Variants in TUSC3 observed in about 807,000 individuals in gnomAD.
TUSC3 encodes tumor suppressor candidate 3.
Under a neutral mutation model 44.8 loss-of-function variants are expected in TUSC3, and 45 were observed. That is an observed-to-expected ratio of 1.00 (90% CI 0.79 to 1.29). The LOEUF is 1.29. Ranked by LOEUF, TUSC3 falls within the 50% of genes most tolerant of loss-of-function variation. TUSC3 has a pLI of 0.00. For missense variants in TUSC3, 519 were observed against 437.9 expected (o/e 1.19, Z -1.65); for synonymous variants, 212 against 152.9 (o/e 1.39, Z -2.85).
rs78067952 is a variant in TUSC3, at chr8:15,463,966, A to C, written n.92-19420A>C. Among the ~76,000 whole-genome samples the C allele has an allele frequency of 1.3e-5, 2 of 152,290 alleles. 1 individual carries two copies. The highest frequency in any genetic ancestry group is 2.9e-5 in the Non-Finnish European group (2 of 68,010). The stretch of plus-strand genomic sequence containing the variant: ...TTCTTTAGCAGCATTCCTTGACTAC[A>C]GTTTTACAGATGAAGAAACTTTTGG... On this transcript the variant is annotated intron_variant and non_coding_transcript_variant, in intron 1 of 5. Transcript: ENST00000503191.
rs566741467 is a variant in TUSC3, at chr8:15,557,779, G to T, written c.138+17211G>T. On this transcript the variant is annotated intron_variant, in intron 1 of 10. Coordinates refer to ENST00000503731, the MANE Select transcript of TUSC3 (RefSeq NM_006765.4). ...CTCTTTGAAGCAGTTGTGAATGGGA[G>T]TTCACTCATGATTTGGCTCTCCGTT... 1.4e-4 allele frequency among the ~76,000 whole-genome samples: 20 copies of T among 138,206 alleles called. 2 individuals are homozygous for T. Among genetic ancestry groups the T allele is most frequent in the Middle Eastern group, 3.8e-3 (1 of 260 alleles). 90.7% of individuals were successfully genotyped at this position (138,206 alleles called of 152,430 possible).
At chr8:15,602,666 A>ATGTGTGTGTGTG (rs60206119) in intron 1 of TUSC3, among the ~76,000 whole-genome samples, 24 of 145,872 alleles carry the variant, frequency 1.6e-4, no homozygotes, top group African/African-American at 6.0e-4. Flanking sequence ...AAATATTTAT[A>ATGTGTGTGTGTG]TGTGTGTGTG....
chr8:15,738,747 T>C (rs1166168690), intron 7 of TUSC3, among the ~76,000 whole-genome samples: 1 of 152,026 alleles, frequency 6.6e-6, no homozygotes, highest in Admixed American at 6.6e-5. Flanking sequence ...TCAGGTTTTA[T>C]ATATACTTTT....
chr8:15,634,494 G>T (rs1324738230), intron 2 of TUSC3, among the ~76,000 whole-genome samples: 1 of 152,170 alleles, frequency 6.6e-6, no homozygotes, highest in South Asian at 2.1e-4. Context: ...TTGATATTTT[G>T]CATGAAAGCT....
chr8:15,652,258 T>A (rs62502092), intron 3 of TUSC3, among the ~76,000 whole-genome samples: 1 of 152,142 alleles, frequency 6.6e-6, no homozygotes, highest in Non-Finnish European at 1.5e-5. Context: ...AGCATGCAGT[T>A]CTGTAAAGAA....
At chr8:15,720,615 A>G (rs1810267218) in intron 6 of TUSC3, among the ~76,000 whole-genome samples, 1 of 152,146 alleles carries the variant, frequency 6.6e-6, no homozygotes, top group South Asian at 2.1e-4. Flanking sequence ...GCTCATCAGA[A>G]TGCAGTGGTC....
chr8:15,658,056 A>C (rs1350469910), intron 3 of TUSC3, among the ~76,000 whole-genome samples: 2 of 152,058 alleles, frequency 1.3e-5, no homozygotes, highest in Non-Finnish European at 2.9e-5. Context: ...CACCTCCTAA[A>C]GCTTCCACGT....
intron 9 of TUSC3, among the ~76,000 whole-genome samples, chr8:15,750,292 C>T (rs1056931832): frequency 2.0e-5 from 3 of 151,858 alleles, no homozygotes; most frequent in Admixed American, 2.0e-4. Context: ...ATTCTTAAGC[C>T]CTATTTAGTT....
Position 15,678,961 on chromosome 8 carries a change from A to G in TUSC3, c.798+5125A>G, listed in dbSNP as rs191863121. Among the ~76,000 whole-genome samples the G allele has an allele frequency of 5.9e-5, 9 of 152,296 alleles. No homozygotes were observed. In the East Asian group the frequency reaches 1.7e-3, roughly 29 times the overall value. On this transcript the variant is annotated intron_variant, in intron 6 of 10. Coordinates refer to ENST00000503731, the MANE Select transcript of TUSC3 (RefSeq NM_006765.4). ...ACATGATTTTATTGTGCTGCATAGT[A>G]TTCCTTGGTGTATATGTACCGTATT...
intron 6 of TUSC3, among the ~76,000 whole-genome samples, chr8:15,685,156 A>G (rs548510866): frequency 3.9e-5 from 6 of 152,260 alleles, no homozygotes; most frequent in Non-Finnish European, 5.9e-5. Flanking sequence ...GCTTCTGCCT[A>G]TTCTCTGAGT....
chr8:15,662,042 G>C, intron 4 of TUSC3, 114 bp from the exon 5 acceptor site: 1 of 1,171,976 alleles, frequency 8.5e-7, no homozygotes, highest in Non-Finnish European at 1.2e-6. Flanking sequence ...CGTATGAAAA[G>C]TTGGGTGGCA....
At chr8:15,760,108 T>A (rs796886344) in intron 10 of TUSC3, among the ~76,000 whole-genome samples, 2 of 152,192 alleles carry the variant, frequency 1.3e-5, no homozygotes, top group Non-Finnish European at 2.9e-5. Context: ...AGAATTATTT[T>A]AAGATATGCG....
chr8:15,549,497 T>G (rs939401318), intron 1 of TUSC3, among the ~76,000 whole-genome samples: 22 of 151,870 alleles, frequency 1.4e-4, no homozygotes, highest in African/African-American at 4.8e-4. Context: ...TTTTTTTGTG[T>G]GTGCCTATAA....
intron 6 of TUSC3, among the ~76,000 whole-genome samples, chr8:15,711,028 T>C (rs1205166373): frequency 6.6e-6 from 1 of 151,618 alleles, no homozygotes; most frequent in Non-Finnish European, 1.5e-5. Flanking sequence ...GTATAGTAAA[T>C]TAAGAACTTC....
At chr8:15,817,543 G>A in the TUSC3 span, among the ~76,000 whole-genome samples, 1 of 152,040 alleles carries the variant, frequency 6.6e-6, no homozygotes, top group Non-Finnish European at 1.5e-5. Context: ...TTACCTCCAT[G>A]CTGTTCCCGT....
chr8:15,756,149 A>G (rs934086169), intron 9 of TUSC3, among the ~76,000 whole-genome samples: 1 of 152,220 alleles, frequency 6.6e-6, no homozygotes, highest in Non-Finnish European at 1.5e-5. Context: ...TGTATTAGCT[A>G]GAGCTCTAGC....
Position 15,432,890 on chromosome 8 carries a change from G to T in TUSC3, n.91+15585G>T, listed in dbSNP as rs10283312. Among the ~76,000 whole-genome samples the T allele has an allele frequency of 4.5e-3, 685 of 152,124 alleles. 7 individuals carry two copies. Among genetic ancestry groups the T allele is most frequent in the African/African-American group, 0.016 (666 of 41,490 alleles). ...GTCAGTTAGGGGCTGATAAAACCCCGGTAGGTTAGCCTCTGGCTAAATCGT... is the reference window on the plus strand; with the variant it reads ...GTCAGTTAGGGGCTGATAAAACCCCTGTAGGTTAGCCTCTGGCTAAATCGT... On this transcript the variant is annotated intron_variant and non_coding_transcript_variant, in intron 1 of 5. Coordinates refer to the TUSC3 transcript ENST00000503191.
chr8:15,475,455 C>G (rs1017086380), intron 1 of TUSC3, among the ~76,000 whole-genome samples: 2 of 152,150 alleles, frequency 1.3e-5, no homozygotes, highest in Admixed American at 1.3e-4. Flanking sequence ...TTCTTCCCAT[C>G]TTTCAGTTTT....
chr8:15,790,891 G>C, the TUSC3 span, among the ~76,000 whole-genome samples: 6 of 152,146 alleles, frequency 3.9e-5, no homozygotes, highest in Admixed American at 3.9e-4. Context: ...GGAGCCTGAA[G>C]ACTTCTCAAG....
Sources: allele counts gnomAD v4.1 joint callset (sites outside exome capture counted in the v4.1 genomes callset), GRCh38; gene constraint gnomAD v4.1.1; transcripts MANE v1.5; gene names NCBI Gene and HGNC (gene_info 2026-07-23, HGNC 2026-07-21).